Variants in PPP2R2B observed in about 807,000 individuals in gnomAD.
PPP2R2B encodes the protein serine/threonine-protein phosphatase 2A 55 kDa regulatory subunit B beta isoform.
In PPP2R2B, 5 loss-of-function variants were observed where a neutral mutation model predicts 46.0. That is an observed-to-expected ratio of 0.11 (90% confidence interval 0.06 to 0.23). PPP2R2B has a LOEUF of 0.23. Ranked by LOEUF, PPP2R2B falls within the 10% of genes least tolerant of loss-of-function variation. PPP2R2B has a pLI of 1.00. For synonymous variants in PPP2R2B, 215 were observed against 206.7 expected (o/e 1.04, Z -0.34); for missense variants, 367 against 575.0 (o/e 0.64, Z 3.70).
chr5:146,785,383 CA>C (rs1214189232), intron 2 of PPP2R2B, among the ~76,000 whole-genome samples: 3 of 151,782 alleles, frequency 2.0e-5, no homozygotes, highest in East Asian at 3.9e-4. Flanking sequence ...GCTGTCTCTA[CA>C]AAAAAATACA....
At chr5:147,028,827 T>C (rs1755645417) in intron 1 of PPP2R2B, among the ~76,000 whole-genome samples, 1 of 152,230 alleles carries the variant, frequency 6.6e-6, no homozygotes, top group Non-Finnish European at 1.5e-5. Flanking sequence ...ACAATATCCT[T>C]AACAACCATT....
At chr5:147,059,938 T>C (rs1037708557), upstream of PPP2R2B, among the ~76,000 whole-genome samples, 1 of 152,200 alleles carries the variant, frequency 6.6e-6, no homozygotes, top group Non-Finnish European at 1.5e-5. Context: ...ACAGAAAAGT[T>C]ACCCTGATAA....
At chr5:146,630,132 A>G (rs1774330277) in intron 7 of PPP2R2B, among the ~76,000 whole-genome samples, 1 of 152,054 alleles carries the variant, frequency 6.6e-6, no homozygotes, top group East Asian at 1.9e-4. Flanking sequence ...CACTTTCTAT[A>G]CTGTCCCTAG....
chr5:146,653,845 A>G (rs403151), intron 5 of PPP2R2B, among the ~76,000 whole-genome samples: 111,884 of 151,922 alleles, frequency 0.74, 41,642 homozygotes, highest in East Asian at 0.82. Flanking sequence ...CAGATAAGAC[A>G]GGGGGGATGG....
chr5:146,794,233 TC>T (rs1300062053), intron 2 of PPP2R2B, among the ~76,000 whole-genome samples: 2 of 152,322 alleles, frequency 1.3e-5, no homozygotes, highest in African/African-American at 4.8e-5. Flanking sequence ...TCTTCAGTCT[TC>T]TTTTGTCAAT....
intron 1 of PPP2R2B, among the ~76,000 whole-genome samples, chr5:146,927,977 T>C (rs747842442): frequency 2.7e-4 from 41 of 152,068 alleles, no homozygotes; most frequent in Non-Finnish European, 5.3e-4. Context: ...CCTGACCTCG[T>C]GATCCACCCG....
intron 2 of PPP2R2B, among the ~76,000 whole-genome samples, chr5:146,739,457 G>T (rs1752738308): frequency 6.6e-6 from 1 of 152,148 alleles, no homozygotes; most frequent in South Asian, 2.1e-4. Flanking sequence ...GCCAGGGGTG[G>T]GGGACAACTC....
chr5:146,916,039 A>G (rs778411369), intron 1 of PPP2R2B, among the ~76,000 whole-genome samples: 2 of 152,190 alleles, frequency 1.3e-5, no homozygotes, highest in Non-Finnish European at 2.9e-5. Flanking sequence ...CCATTAAACT[A>G]AAAGCTCCTT....
At chr5:146,959,605 G>C (rs982991681) in intron 1 of PPP2R2B, among the ~76,000 whole-genome samples, 2 of 152,170 alleles carry the variant, frequency 1.3e-5, no homozygotes, top group African/African-American at 4.8e-5. Context: ...CAGGAGCTAA[G>C]TCAGCTGGGA....
In PPP2R2B at chr5:146,701,075, A is replaced by G; in HGVS notation, c.138T>C (p.Gly46=). The change falls in exon 3 of 10, where the codon GGT becomes GGC. Residue 46 remains glycine, a synonymous_variant. Transcript: ENST00000394411. The part of the protein sequence containing the change: ...GELLATGDKG[G]RVVIFQREQE... ...GCTCTCGTTGAAATATTACAACCCG[A>G]CCCCCCTTGTCCCCTGTCGCTAGTA... 6.2e-7 allele frequency: 1 copy of G among 1,613,412 alleles called. No individual in the cohort carries two copies. The highest frequency in any genetic ancestry group is 8.5e-7 in the Non-Finnish European group (1 of 1,179,670).
chr5:146,662,034 C>T (rs1273166230), intron 5 of PPP2R2B, among the ~76,000 whole-genome samples: 2 of 152,078 alleles, frequency 1.3e-5, no homozygotes, highest in Non-Finnish European at 2.9e-5. Context: ...TGTTTTTTAA[C>T]TGTTATTGAT....
chr5:146,648,387 A>G (rs1355017805), intron 6 of PPP2R2B, among the ~76,000 whole-genome samples: 1 of 152,204 alleles, frequency 6.6e-6, no homozygotes, highest in Non-Finnish European at 1.5e-5. Context: ...TATGGGGTCT[A>G]TTCTATAAAC....
intron 5 of PPP2R2B, among the ~76,000 whole-genome samples, chr5:146,675,496 G>T (rs1035272595): frequency 6.6e-6 from 1 of 152,102 alleles, no homozygotes; most frequent in East Asian, 1.9e-4. Context: ...AAGGAAAATG[G>T]CAACAATAAC....
chr5:147,046,499 A>G (rs558135854), intron 1 of PPP2R2B, among the ~76,000 whole-genome samples: 17 of 152,326 alleles, frequency 1.1e-4, no homozygotes, highest in Non-Finnish European at 2.1e-4. Context: ...AATGATGGCA[A>G]TGATTTCACT....
At chr5:147,000,922 A>G (rs1754140992) in intron 1 of PPP2R2B, among the ~76,000 whole-genome samples, 1 of 152,162 alleles carries the variant, frequency 6.6e-6, no homozygotes. Context: ...ATCAAGTTAC[A>G]CAGCCTCTTG....
At chr5:146,873,934 C>A (rs896589413) in intron 2 of PPP2R2B, among the ~76,000 whole-genome samples, 5 of 152,230 alleles carry the variant, frequency 3.3e-5, no homozygotes, top group Non-Finnish European at 7.3e-5. Context: ...CCATAGTCAT[C>A]TTTCCATTCC....
At chr5:146,736,484 C>T (rs1221015601) in intron 2 of PPP2R2B, among the ~76,000 whole-genome samples, 1 of 152,146 alleles carries the variant, frequency 6.6e-6, no homozygotes. Flanking sequence ...AACTAACTTG[C>T]TCCAGATCGT....
At chr5:146,869,992 C>T (rs2151407721) in intron 2 of PPP2R2B, among the ~76,000 whole-genome samples, 1 of 152,254 alleles carries the variant, frequency 6.6e-6, no homozygotes, top group African/African-American at 2.4e-5. Flanking sequence ...TTTCAGACCA[C>T]CTGGGAACTC....
Position 147,073,812 on chromosome 5 carries a change from C to A in PPP2R2B, c.50+7247G>T, listed in dbSNP as rs1385991480. On this transcript the variant is annotated intron_variant, in intron 2 of 10. Transcript: ENST00000394413. ...TAGCACTTTGGGAGGCCGAGGCAGGCAGATCACAAGGTCAAGAGTTTGAGA... is the reference window on the plus strand; with the variant it reads ...TAGCACTTTGGGAGGCCGAGGCAGGAAGATCACAAGGTCAAGAGTTTGAGA... Among the ~76,000 whole-genome samples the A allele has an allele frequency of 3.9e-5, 6 of 152,068 alleles. No homozygotes were observed. The East Asian group carries it at 9.6e-4, about 24-fold the overall frequency.
Sources: gnomAD v4.1 joint callset for allele counts (sites outside exome capture counted in the v4.1 genomes callset) on GRCh38, gnomAD v4.1.1 for gene constraint, MANE v1.5 for transcripts, NCBI Gene and HGNC (gene_info 2026-07-23, HGNC 2026-07-21) for gene names.